The following ARHGAP45 variants were observed in gnomAD, a reference collection of about 807,000 sequenced individuals.
ARHGAP45 encodes rho GTPase-activating protein 45.
Under a neutral mutation model 116.1 loss-of-function variants are expected in ARHGAP45, and 56 were observed. The ratio of observed to expected loss-of-function variants is 0.48; its 90% CI spans 0.39 to 0.60. The LOEUF (loss-of-function observed/expected upper bound fraction) is 0.60. Ranked by LOEUF, ARHGAP45 falls within the 20% of genes least tolerant of loss-of-function variation. The pLI, the probability that ARHGAP45 is intolerant of heterozygous loss-of-function variation, is 0.00. For synonymous variants in ARHGAP45, 866 were observed against 701.7 expected (o/e 1.23, Z -3.70); for missense variants, 1,622 against 1,601.0 (o/e 1.01, Z -0.22).
chr19:1,083,419 A>T lies in ARHGAP45; in HGVS notation c.2955+66A>T, dbSNP rs116851320. The T allele has an allele frequency of 0.04, 55,351 of 1,392,740 alleles. 1,723 individuals are homozygous for T. The highest frequency in any genetic ancestry group is 0.18 in the East Asian group (7,104 of 40,116). 86.3% of individuals were successfully genotyped at this position (1,392,740 alleles called of 1,614,324 possible). A position where few individuals can be genotyped will look rare whatever the true frequency, so the allele number is the denominator to read the frequency against. On this transcript the variant is annotated intron_variant, in intron 21 of 22. Transcript: ENST00000313093. The stretch of plus-strand genomic sequence containing the variant: ...TGGGGAGCAGGGGGCGCTGCTGGGG[A>T]CAGTCGTTGTCGGATGAAGCCCAAG...
At chr19:1,070,902 C>CT (rs1445266049) in intron 2 of ARHGAP45, among the ~76,000 whole-genome samples, 2 of 152,200 alleles carry the variant, frequency 1.3e-5, no homozygotes, top group East Asian at 3.9e-4. Flanking sequence ...CCCCTTCCCT[C>CT]TCTAGGTGTC....
chr19:1,073,864 G>A, intron 5 of ARHGAP45, 84 bp from the exon 6 acceptor site: 1 of 1,532,348 alleles, frequency 6.5e-7, no homozygotes, highest in Non-Finnish European at 8.8e-7. Flanking sequence ...CCCTCTCTGG[G>A]GGAGGCAGCA....
In ARHGAP45 at chr19:1,068,434, G is replaced by A. The variant is rs771825919; in HGVS notation, c.111G>A (p.Gly37=). Residue 37 remains glycine, a synonymous_variant, in exon 2 of 23, where the codon GGG becomes GGA. Transcript: ENST00000313093. The surrounding 1 kb of genome is among the most constrained non-coding windows in gnomAD (Gnocchi z 7.5). ...QPSGELPRKD[G]ADAVFPGPSL... Reference sequence around the variant, plus strand: ...CCAAGGAGCTGCCCAGGAAGGATGGGGCTGACGCGGTGTTCCCCGGACCAA... The same window carrying A: ...CCAAGGAGCTGCCCAGGAAGGATGGAGCTGACGCGGTGTTCCCCGGACCAA... 2.5e-6 allele frequency: 4 copies of A among 1,573,794 alleles called. No homozygotes were observed. In the African/African-American group the frequency reaches 4.1e-5, roughly 16 times the overall value.
intron 21 of ARHGAP45, 63 bp from the exon 22 acceptor site, chr19:1,084,175 G>A (rs2043528648): frequency 2.0e-6 from 3 of 1,490,136 alleles, no homozygotes; most frequent in East Asian, 2.3e-5. Context: ...GGGTGGGTTT[G>A]TTAATTTATA....
At chr19:1,085,510 T>TCCATCTCTCCTATCTCTCC in intron 22 of ARHGAP45, 150 bp from the exon 23 acceptor site, 1 of 543,732 alleles carries the variant, frequency 1.8e-6, no homozygotes, top group Non-Finnish European at 3.3e-6. Flanking sequence ...TTGTCTCTCC[T>TCCATCTCTCCTATCTCTCC]CCATCTCTCC....
rs933944682 is a variant in ARHGAP45, at chr19:1,083,412, G to A, written c.2955+59G>A. ...CGGGGCTTGGGGAGCAGGGGGCGCT[G>A]CTGGGGACAGTCGTTGTCGGATGAA... On this transcript the variant is annotated intron_variant, in intron 21 of 22. Coordinates refer to ENST00000313093, the MANE Select transcript of ARHGAP45 (RefSeq NM_012292.5). 1.6e-5 allele frequency: 23 copies of A among 1,419,342 alleles called. No individual in the cohort carries two copies. The African/African-American group carries it at 1.8e-4, about 11-fold the overall frequency. 87.9% of individuals were successfully genotyped at this position (1,419,342 alleles called of 1,614,324 possible).
rs1194724326 is a variant in ARHGAP45 at position 1,086,270 on chromosome 19, C to T, written c.*264C>T. 4.3e-6 allele frequency: 2 copies of T among 470,490 alleles called. No individual in the cohort carries two copies. The highest frequency in any genetic ancestry group is 2.6e-5 in the South Asian group (1 of 38,838). 29.1% of individuals were successfully genotyped at this position (470,490 alleles called of 1,614,324 possible). ...GGAACACTGCTGTCGTGTGAAGTCA[C>T]AGTGGCCTTGTTGGTGCCCACAGGG... On this transcript the variant is annotated 3_prime_UTR_variant, in exon 23 of 23. Transcript: ENST00000313093.
chr19:1,076,481 G>GTTTTTTTTTTTTTTTTTTTTTTTTTTT (rs1568464614), intron 10 of ARHGAP45, among the ~76,000 whole-genome samples: 4 of 104,150 alleles, frequency 3.8e-5, no homozygotes, highest in African/African-American at 1.2e-4. Context: ...GTTGGCAGTA[G>GTTTTTTTTTTTTTTTTTTTTTTTTTTT]TCTTTTTTTT....
intron 10 of ARHGAP45, chr19:1,077,528 C>G: frequency 9.7e-7 from 1 of 1,035,026 alleles, no homozygotes; most frequent in Non-Finnish European, 1.3e-6. Flanking sequence ...GGATTACAAG[C>G]GTGCACCACA....
intron 2 of ARHGAP45, among the ~76,000 whole-genome samples, chr19:1,072,338 G>C (rs531629217): frequency 5.3e-4 from 80 of 152,334 alleles, no homozygotes; most frequent in African/African-American, 1.8e-3. Flanking sequence ...GGGATTACAG[G>C]CATGAGGCAC....
chr19:1,071,251 C>A lies in ARHGAP45; in HGVS notation c.422-1898C>A. Reference sequence around the variant, plus strand: ...ACCCCCATCGGTCAGCTGCCAGGCCCCACGCGCTCGCGGTCTCCGCGCCCC... The same window carrying A: ...ACCCCCATCGGTCAGCTGCCAGGCCACACGCGCTCGCGGTCTCCGCGCCCC... On this transcript the variant is annotated intron_variant, in intron 2 of 22. Transcript: ENST00000313093. The surrounding 1 kb of genome is among the most constrained non-coding windows in gnomAD (Gnocchi z 4.6). 6.8e-7 allele frequency: 1 copy of A among 1,479,598 alleles called. No homozygotes were observed. The highest frequency in any genetic ancestry group is 8.9e-7 in the Non-Finnish European group (1 of 1,119,272). 91.7% of individuals were successfully genotyped at this position (1,479,598 alleles called of 1,614,324 possible). A position where few individuals can be genotyped will look rare whatever the true frequency, so the allele number is the denominator to read the frequency against.
At chr19:1,067,948 C>T (rs1276988193) in intron 1 of ARHGAP45, among the ~76,000 whole-genome samples, 1 of 76,526 alleles carries the variant, frequency 1.3e-5, no homozygotes, top group Non-Finnish European at 2.3e-5. Context: ...GGGGTGTCTA[C>T]AAAGCTGGGG....
At chr19:1,084,471 G>A (rs1322378499) in intron 22 of ARHGAP45, 125 bp downstream of exon 22, 9 of 683,916 alleles carry the variant, frequency 1.3e-5, no homozygotes, top group South Asian at 3.7e-5. Flanking sequence ...TGTGGATTTC[G>A]TCTGCCACGG....
chr19:1,084,146 T>C, intron 21 of ARHGAP45, 92 bp from the exon 22 acceptor site: 1 of 1,184,146 alleles, frequency 8.4e-7, no homozygotes, highest in Non-Finnish European at 1.3e-6. Flanking sequence ...CGGGTGTCAG[T>C]AGCTGTTACG....
At chr19:1,076,582 C>T (rs2043255826) in intron 10 of ARHGAP45, among the ~76,000 whole-genome samples, 1 of 149,350 alleles carries the variant, frequency 6.7e-6, no homozygotes, top group African/African-American at 2.5e-5. Flanking sequence ...CTGCAACCTC[C>T]ATCTCCTGGG....
In ARHGAP45 at chr19:1,068,469, C is replaced by T. The variant is rs979781600; in HGVS notation, c.146C>T (p.Pro49Leu). 25 of 1,582,740 alleles carry T rather than the reference C, an allele frequency of 1.6e-5. No individual in the cohort carries two copies. The highest frequency in any genetic ancestry group is 2.7e-5 in the African/African-American group (2 of 74,160). ...GTGTTCCCCGGACCAAGCCTGGAGC[C>T]GCCCGCTGGGTCCTCCGGCGTCAAG... is the stretch of plus-strand genomic sequence containing the variant. ...DAVFPGPSLE[P>L]PAGSSGVKAT... The change falls in exon 2 of 23, where the codon CCG becomes CTG. Residue 49 changes from proline to leucine, a missense_variant. Physicochemically the swap from Pro to Leu is moderately conservative, Grantham distance 98 (BLOSUM62 -3). Coordinates refer to ENST00000313093, the MANE Select transcript of ARHGAP45 (RefSeq NM_012292.5). The surrounding 1 kb of genome is among the most constrained non-coding windows in gnomAD (Gnocchi z 7.5).
rs996697993 is a variant in ARHGAP45 at position 1,075,034 on chromosome 19, C to CG, written c.1185+155_1185+156insG. 6.3e-4 allele frequency among the ~76,000 whole-genome samples: 86 copies of CG among 137,154 alleles called. 1 individual carries two copies. The highest frequency in any genetic ancestry group is 9.6e-4 in the Non-Finnish European group (58 of 60,352). The allele number at this position is 137,154 out of a possible 152,430, so 90.0% of individuals were successfully genotyped here. The stretch of plus-strand genomic sequence containing the variant: ...GGCCTCGCAGGCTGGGCCGCCCCCC[C>CG]CAACGCCAAGCCGGGTCGGAGATGC... On this transcript the variant is annotated intron_variant, in intron 10 of 22. Transcript: ENST00000313093.
Position 1,073,965 on chromosome 19 carries a change from T to C in ARHGAP45, c.741T>C (p.Tyr247=). ...GDSSQSMESL[Y]GPGSEGTPPS... ...TCCTACAGTCCATGGAAAGCCTGTA[T>C]GGACCGGGCAGTGAGGGCACGCCTC... is the stretch of plus-strand genomic sequence containing the variant. Residue 247 remains tyrosine (Y), a synonymous_variant, in exon 6 of 23, where the codon TAT becomes TAC. Transcript: ENST00000313093. 3 of 1,583,980 alleles carry C rather than the reference T, an allele frequency of 1.9e-6. No homozygotes were observed. The highest frequency in any genetic ancestry group is 2.6e-6 in the Non-Finnish European group (3 of 1,165,922).
chr19:1,082,343 A>C (rs11881906), intron 19 of ARHGAP45, among the ~76,000 whole-genome samples: 2,147 of 139,250 alleles, frequency 0.015, 66 homozygotes, highest in African/African-American at 0.055. Flanking sequence ...AGCGCTTGGC[A>C]GGGACCCGTA....
Sources: allele counts gnomAD v4.1 joint callset (sites outside exome capture counted in the v4.1 genomes callset), GRCh38; gene constraint gnomAD v4.1.1; non-coding constraint Gnocchi (gnomAD v3.1); transcripts MANE v1.5; gene names NCBI Gene and HGNC (gene_info 2026-07-23, HGNC 2026-07-21).